OTUB2: variants seen among roughly 807,000 people sequenced by gnomAD.
The protein encoded by OTUB2 is ubiquitin thioesterase OTUB2.
A neutral mutation model predicts 25.1 loss-of-function variants in OTUB2; 21 were observed. That is an observed-to-expected ratio of 0.84 (90% CI 0.59 to 1.21). The LOEUF is 1.21. Among genes scored for constraint, OTUB2 ranks in the 50% most tolerant of loss-of-function variants. The probability of loss-of-function intolerance (pLI) is 0.00; values close to 1 mark genes in which losing one functional copy is unlikely to be tolerated. For missense variants in OTUB2, 283 were observed against 298.0 expected (o/e 0.95, Z 0.37); for synonymous variants, 122 against 122.8 (o/e 0.99, Z 0.04).
In OTUB2 at chr14:94,026,403, T is replaced by C; in HGVS notation, c.-135T>C. ...CTTTGGTTTGCGGAGCGGTCGGGTG[T>C]ATTCTCCGCCGCCCCCACGCCCTCG... On this transcript the variant is annotated 5_prime_UTR_variant, in exon 1 of 6. Transcript: ENST00000203664. 1 of 1,276,872 alleles carries C rather than the reference T, an allele frequency of 7.8e-7. No individual in the cohort carries two copies. The highest frequency in any genetic ancestry group is 9.9e-7 in the Non-Finnish European group (1 of 1,010,022). 79.1% of individuals were successfully genotyped at this position (1,276,872 alleles called of 1,614,324 possible).
chr14:94,039,200 C>A, intron 3 of OTUB2, 119 bp downstream of exon 3: 1 of 813,838 alleles, frequency 1.2e-6, no homozygotes, highest in Non-Finnish European at 2.0e-6. Flanking sequence ...AGCTGAAGAG[C>A]TGCCTGGCAG....
chr14:94,042,863 A>G (rs944537440), intron 3 of OTUB2, among the ~76,000 whole-genome samples: 9 of 152,194 alleles, frequency 5.9e-5, no homozygotes, highest in East Asian at 1.9e-4. Context: ...CACTTGCGCC[A>G]AAGTGGAGCT....
At chr14:94,041,966 G>A (rs1332700719) in intron 3 of OTUB2, among the ~76,000 whole-genome samples, 1 of 152,226 alleles carries the variant, frequency 6.6e-6, no homozygotes, top group Non-Finnish European at 1.5e-5. Flanking sequence ...TAGCGTCAGC[G>A]TCATGCATCC....
intron 1 of OTUB2, among the ~76,000 whole-genome samples, chr14:94,029,893 G>C (rs1884927996): frequency 6.6e-6 from 1 of 152,244 alleles, no homozygotes; most frequent in African/African-American, 2.4e-5. Context: ...GAGGGATGGG[G>C]TGGGGCATGG....
chr14:94,044,529 G>A, intron 4 of OTUB2, 57 bp from the exon 5 acceptor site: 4 of 1,540,338 alleles, frequency 2.6e-6, no homozygotes, highest in Non-Finnish European at 3.5e-6. Flanking sequence ...GAGGGAGAAT[G>A]CAGAGGGAGG....
intron 3 of OTUB2, among the ~76,000 whole-genome samples, chr14:94,041,005 G>T (rs187697693): frequency 6.6e-6 from 1 of 152,218 alleles, no homozygotes; most frequent in Non-Finnish European, 1.5e-5. Flanking sequence ...CTGCCCTGCT[G>T]GCTGCTGTGT....
chr14:94,042,707 G>C (rs1456064438), intron 3 of OTUB2, among the ~76,000 whole-genome samples: 7 of 152,178 alleles, frequency 4.6e-5, no homozygotes, highest in Non-Finnish European at 1.0e-4. Context: ...AGTGAGAGGC[G>C]TTAGCCAGCA....
At chr14:94,030,814 T>TGGGCGG (rs1555434139) in intron 1 of OTUB2, among the ~76,000 whole-genome samples, 6 of 127,404 alleles carry the variant, frequency 4.7e-5, no homozygotes, top group Admixed American at 1.5e-4. Context: ...GGCAGAGTGA[T>TGGGCGG]GGGGAGGGTG....
At chr14:94,029,907 G>A (rs1884928418) in intron 1 of OTUB2, among the ~76,000 whole-genome samples, 1 of 152,212 alleles carries the variant, frequency 6.6e-6, no homozygotes, top group Non-Finnish European at 1.5e-5. Flanking sequence ...GGCATGGGAA[G>A]GCCTCTCTGA....
At chr14:94,030,768 G>A (rs553706114) in intron 1 of OTUB2, among the ~76,000 whole-genome samples, 5 of 150,648 alleles carry the variant, frequency 3.3e-5, no homozygotes, top group African/African-American at 7.5e-5. Context: ...CCAGGTAGGC[G>A]CGATGACGTA....
chr14:94,038,014 T>A (rs541007242), intron 2 of OTUB2, among the ~76,000 whole-genome samples: 1 of 152,346 alleles, frequency 6.6e-6, no homozygotes, highest in South Asian at 2.1e-4. Context: ...GTCCCTCTGG[T>A]AGGAGGCCCT....
intron 2 of OTUB2, among the ~76,000 whole-genome samples, chr14:94,038,217 T>A (rs1232893205): frequency 6.6e-6 from 1 of 152,226 alleles, no homozygotes; most frequent in Non-Finnish European, 1.5e-5. Flanking sequence ...GGTAGTGGTG[T>A]GGGCATCATG....
rs1015930448 is a variant in OTUB2 at position 94,026,402 on chromosome 14, G to T, written c.-136G>T. 2.3e-6 allele frequency: 3 copies of T among 1,276,828 alleles called. No homozygotes were observed. The highest frequency in any genetic ancestry group is 1.6e-5 in the African/African-American group (1 of 64,492). 79.1% of individuals were successfully genotyped at this position (1,276,828 alleles called of 1,614,324 possible). A position where few individuals can be genotyped will look rare whatever the true frequency, so the allele number is the denominator to read the frequency against. On this transcript the variant is annotated 5_prime_UTR_variant, in exon 1 of 6. Coordinates refer to ENST00000203664, the MANE Select transcript of OTUB2 (RefSeq NM_023112.4). ...CCTTTGGTTTGCGGAGCGGTCGGGT[G>T]TATTCTCCGCCGCCCCCACGCCCTC...
intron 5 of OTUB2, among the ~76,000 whole-genome samples, chr14:94,045,315 C>G (rs1885250420): frequency 6.6e-6 from 1 of 152,122 alleles, no homozygotes; most frequent in Non-Finnish European, 1.5e-5. Context: ...CCCTCACTCA[C>G]CAGCCTAGCC....
chr14:94,042,360 G>T (rs539187897), intron 3 of OTUB2, among the ~76,000 whole-genome samples: 1 of 152,098 alleles, frequency 6.6e-6, no homozygotes, highest in African/African-American at 2.4e-5. Flanking sequence ...TGCATGTCCT[G>T]GCCTGGGGGC....
intron 1 of OTUB2, among the ~76,000 whole-genome samples, chr14:94,032,464 G>T (rs1022990110): frequency 6.6e-6 from 1 of 152,158 alleles, no homozygotes; most frequent in Non-Finnish European, 1.5e-5. Flanking sequence ...AGACAGAAAA[G>T]TAGAAAGGTG....
intron 1 of OTUB2, among the ~76,000 whole-genome samples, chr14:94,032,066 G>T (rs529038370): frequency 2.0e-4 from 30 of 152,362 alleles, no homozygotes; most frequent in African/African-American, 7.0e-4. Flanking sequence ...TCTTGCCAGG[G>T]GTGTGGCCAG....
intron 3 of OTUB2, among the ~76,000 whole-genome samples, chr14:94,040,146 A>AGT (rs1885132810): frequency 1.3e-5 from 2 of 152,128 alleles, no homozygotes; most frequent in Non-Finnish European, 2.9e-5. Context: ...GTTGAGAACT[A>AGT]CTAGGTTAAG....
At position 94,047,804 on chromosome 14, in the gene OTUB2, A is replaced by C. The variant is rs1885309473; in HGVS notation, c.*1882A>C. 6.6e-6 allele frequency: 1 copy of C among 152,182 alleles called. No homozygotes were observed. Among genetic ancestry groups the C allele is most frequent in the South Asian group, 2.1e-4 (1 of 4,826 alleles). The allele number at this position is 152,182 out of a possible 1,614,324, so 9.4% of individuals were successfully genotyped here. A position where few individuals can be genotyped will look rare whatever the true frequency, so the allele number is the denominator to read the frequency against. On this transcript the variant is annotated 3_prime_UTR_variant, in exon 6 of 6. Transcript: ENST00000203664. ...TTTGTGGCTTGTGTGGTAGCCTCAG[A>C]AGCAGAGCTGTTTGGCAGACTGGCT...
Sources: gnomAD v4.1 joint callset for allele counts (sites outside exome capture counted in the v4.1 genomes callset) on GRCh38, gnomAD v4.1.1 for gene constraint, MANE v1.5 for transcripts, NCBI Gene and HGNC (gene_info 2026-07-23, HGNC 2026-07-21) for gene names.